The following BNC2 variants were observed in gnomAD, a reference collection of about 807,000 sequenced individuals.
BNC2 encodes zinc finger protein basonuclin-2.
BNC2 carries 20 observed loss-of-function variants against 76.3 expected under a neutral mutation model. The observed-to-expected ratio is 0.26, with a 90% CI of 0.18 to 0.38. BNC2 has a LOEUF of 0.38. BNC2 is among the 10% of genes least tolerant of loss of function. The pLI is 1.00. For synonymous variants in BNC2, 582 were observed against 514.8 expected (o/e 1.13, Z -1.77); for missense variants, 1,382 against 1,399.8 (o/e 0.99, Z 0.20).
At chr9:16,754,025 A>G (rs7851438) in intron 1 of BNC2, among the ~76,000 whole-genome samples, 131,063 of 152,184 alleles carry the variant, frequency 0.86, 56,818 homozygotes, top group Non-Finnish European at 0.91. Flanking sequence ...CCAGCAAAGC[A>G]AGAAGCCTCA....
chr9:16,525,984 CTAAA>C (rs1212549526), intron 5 of BNC2, among the ~76,000 whole-genome samples: 3 of 151,990 alleles, frequency 2.0e-5, no homozygotes, highest in Non-Finnish European at 2.9e-5. Flanking sequence ...GAACTTATGA[CTAAA>C]TACTTTTTGT....
chr9:16,798,842 C>A (rs1196757971), intron 1 of BNC2, among the ~76,000 whole-genome samples: 3 of 152,080 alleles, frequency 2.0e-5, no homozygotes, highest in African/African-American at 7.2e-5. Context: ...TAAACAATCA[C>A]GCACAAGTAA....
chr9:16,503,996 G>A (rs952284863), intron 5 of BNC2, among the ~76,000 whole-genome samples: 5 of 152,044 alleles, frequency 3.3e-5, no homozygotes, highest in Non-Finnish European at 5.9e-5. Flanking sequence ...TTCTAGTCAA[G>A]AAATGAATAT....
intron 3 of BNC2, among the ~76,000 whole-genome samples, chr9:16,587,364 C>A (rs116804674): frequency 0.018 from 2,692 of 152,156 alleles, 94 homozygotes; most frequent in African/African-American, 0.06. Context: ...CAGGCGTGCA[C>A]CATCACGTTG....
intron 5 of BNC2, among the ~76,000 whole-genome samples, chr9:16,542,992 G>T (rs368806314): frequency 1.3e-5 from 2 of 152,098 alleles, no homozygotes; most frequent in South Asian, 4.1e-4. Flanking sequence ...TAGTCACAGA[G>T]GATTTCATTC....
At chr9:16,433,368 G>A (rs969867765) in intron 6 of BNC2, among the ~76,000 whole-genome samples, 1 of 152,130 alleles carries the variant, frequency 6.6e-6, no homozygotes, top group Non-Finnish European at 1.5e-5. Flanking sequence ...GGCATACTGT[G>A]ATTTCAGCCA....
At chr9:16,471,441 G>A (rs1191590976) in intron 5 of BNC2, among the ~76,000 whole-genome samples, 2 of 151,988 alleles carry the variant, frequency 1.3e-5, no homozygotes, top group East Asian at 3.9e-4. Flanking sequence ...CTACAGGCAT[G>A]CACCACCATG....
intron 5 of BNC2, among the ~76,000 whole-genome samples, chr9:16,517,173 T>C (rs1817467958): frequency 6.6e-6 from 1 of 152,308 alleles, no homozygotes; most frequent in South Asian, 2.1e-4. Context: ...TACTGTTGTG[T>C]ATAAGGTTCT....
intron 5 of BNC2, among the ~76,000 whole-genome samples, chr9:16,507,669 C>T (rs761944052): frequency 1.3e-5 from 2 of 152,070 alleles, no homozygotes; most frequent in African/African-American, 2.4e-5. Context: ...CCTTGTGATC[C>T]GCCTGCCTTG....
At chr9:16,508,520 G>C (rs879654348) in intron 5 of BNC2, among the ~76,000 whole-genome samples, 2 of 152,194 alleles carry the variant, frequency 1.3e-5, no homozygotes, top group Non-Finnish European at 2.9e-5. Flanking sequence ...TTTCTGGCAT[G>C]TACATGTTGG....
intron 4 of BNC2, among the ~76,000 whole-genome samples, chr9:16,576,744 T>A (rs1200897237): frequency 6.6e-6 from 1 of 151,724 alleles, no homozygotes; most frequent in African/African-American, 2.4e-5. Flanking sequence ...CAGCTTTTTT[T>A]GTTGTTGTTG....
chr9:16,585,181 G>C (rs1563850781), intron 3 of BNC2, among the ~76,000 whole-genome samples: 1 of 151,956 alleles, frequency 6.6e-6, no homozygotes, highest in Non-Finnish European at 1.5e-5. Context: ...TTTAAGACGA[G>C]AACAAATTAA....
chr9:16,490,031 A>G (rs893016396), intron 5 of BNC2, among the ~76,000 whole-genome samples: 8 of 152,196 alleles, frequency 5.3e-5, no homozygotes, highest in Admixed American at 3.3e-4. Context: ...CTATTCTTCC[A>G]ATAATGCTCA....
intron 1 of BNC2, among the ~76,000 whole-genome samples, chr9:16,810,381 A>C (rs1818016559): frequency 6.6e-6 from 1 of 152,224 alleles, no homozygotes. Context: ...AGTCGTGAAA[A>C]GACCAGTCCT....
At chr9:16,564,171 A>AC (rs2132721594) in intron 4 of BNC2, among the ~76,000 whole-genome samples, 1 of 152,298 alleles carries the variant, frequency 6.6e-6, no homozygotes, top group East Asian at 1.9e-4. Context: ...TTAAAGACAG[A>AC]GTCTCTAGGG....
At chr9:16,563,868 C>G (rs747598984) in intron 4 of BNC2, among the ~76,000 whole-genome samples, 3 of 152,138 alleles carry the variant, frequency 2.0e-5, no homozygotes, top group Non-Finnish European at 2.9e-5. Flanking sequence ...AGATACATTT[C>G]TAACAAAAAC....
chr9:16,715,792 C>A (rs1425458351), intron 3 of BNC2, among the ~76,000 whole-genome samples: 1 of 152,126 alleles, frequency 6.6e-6, no homozygotes, highest in Non-Finnish European at 1.5e-5. Context: ...GTTACCTCCA[C>A]ATGGCCCTTT....
At chr9:16,769,867 G>C (rs933060983) in intron 1 of BNC2, among the ~76,000 whole-genome samples, 1 of 152,158 alleles carries the variant, frequency 6.6e-6, no homozygotes, top group African/African-American at 2.4e-5. Flanking sequence ...ATGCTGTGAA[G>C]TATAGACCAA....
At chr9:16,827,455 G>C (rs1449651902) in intron 1 of BNC2, among the ~76,000 whole-genome samples, 4 of 152,186 alleles carry the variant, frequency 2.6e-5, no homozygotes, top group African/African-American at 9.7e-5. Context: ...GATGGAGAAA[G>C]ATGAAGACAA....
Sources: gnomAD v4.1 joint callset for allele counts (sites outside exome capture counted in the v4.1 genomes callset) on GRCh38, gnomAD v4.1.1 for gene constraint, MANE v1.5 for transcripts, NCBI Gene and HGNC (gene_info 2026-07-23, HGNC 2026-07-21) for gene names.